Variants in PDXK observed in about 807,000 individuals in gnomAD.
PDXK encodes the protein epididymis secretory sperm binding protein Li 1a.
In PDXK, 15 loss-of-function variants were observed where a neutral mutation model predicts 43.2. That is an observed-to-expected ratio of 0.35 (90% confidence interval 0.23 to 0.53). The LOEUF (loss-of-function observed/expected upper bound fraction) is 0.53. Among genes scored for constraint, PDXK ranks in the 20% least tolerant of loss-of-function variants. The pLI, the probability that PDXK is intolerant of heterozygous loss-of-function variation, is 0.92. For synonymous variants in PDXK, 172 were observed against 165.4 expected, an observed-to-expected ratio of 1.04 and a Z score of -0.31; for missense variants, 343 against 417.0, an observed-to-expected ratio of 0.82 and a Z score of 1.54.
At position 43,737,212 on chromosome 21, in the gene PDXK, C is replaced by T. The variant is rs377179819; in HGVS notation, c.142+3089C>T. ...TTCCACACAAGCTGCGTTGTTGGTTCCCTGACGCCCTTCAGGCTGGGGGGT... is the reference window on the plus strand; with the variant it reads ...TTCCACACAAGCTGCGTTGTTGGTTTCCTGACGCCCTTCAGGCTGGGGGGT... On this transcript the variant is annotated intron_variant, in intron 2 of 10. Coordinates refer to ENST00000291565, the MANE Select transcript of PDXK (RefSeq NM_003681.5). The surrounding 1 kb of genome is among the most constrained non-coding windows in gnomAD (Gnocchi z 4.8). The T allele has an allele frequency of 4.9e-6, 7 of 1,434,824 alleles. No individual in the cohort carries two copies. Among genetic ancestry groups the T allele is most frequent in the Non-Finnish European group, 5.5e-6 (6 of 1,096,984 alleles). 88.9% of individuals were successfully genotyped at this position (1,434,824 alleles called of 1,614,324 possible). A position where few individuals can be genotyped will look rare whatever the true frequency, so the allele number is the denominator to read the frequency against.
At chr21:43,719,424 G>T in intron 1 of PDXK, 43 bp downstream of exon 1, 1 of 1,486,138 alleles carries the variant, frequency 6.7e-7, no homozygotes, top group Non-Finnish European at 9.0e-7. Context: ...ACCCGAGCCC[G>T]TGACCTTGGC....
intron 5 of PDXK, 34 bp downstream of exon 5, chr21:43,746,159 G>T: frequency 6.4e-7 from 1 of 1,554,632 alleles, no homozygotes; most frequent in Non-Finnish European, 8.9e-7. Flanking sequence ...TTAAAAGTGT[G>T]GTGAGTGGAG....
chr21:43,760,912 T>C lies in PDXK; in HGVS notation c.*4849T>C, dbSNP rs1223165296. The C allele has an allele frequency of 6.6e-6, 1 of 152,266 alleles. No homozygotes were observed. The allele number at this position is 152,266 out of a possible 1,614,324, so 9.4% of individuals were successfully genotyped here. ...TCTCAGAGCAGAATGTTTCCTGTTC[T>C]CAGTGCACAAAGACACTGGTTTTCA... On this transcript the variant is annotated 3_prime_UTR_variant, in exon 11 of 11. Transcript: ENST00000291565.
chr21:43,748,206 G>A (rs528273692), intron 5 of PDXK, among the ~76,000 whole-genome samples: 1 of 152,322 alleles, frequency 6.6e-6, no homozygotes, highest in South Asian at 2.1e-4. Context: ...AGAAAACCAT[G>A]TGTTGCCTGG....
intron 1 of PDXK, chr21:43,719,687 C>T (rs781390101): frequency 1.0e-6 from 1 of 985,444 alleles, no homozygotes; most frequent in Middle Eastern, 5.2e-4. Flanking sequence ...TTCCCGCCGA[C>T]CGGGCCAACT....
At chr21:43,729,389 C>T (rs1480089887) in intron 1 of PDXK, among the ~76,000 whole-genome samples, 4 of 152,160 alleles carry the variant, frequency 2.6e-5, no homozygotes, top group African/African-American at 9.7e-5. Flanking sequence ...ACGGTCTGAG[C>T]TGAGAGAGGG....
At chr21:43,725,966 CT>C (rs2083249288) in intron 1 of PDXK, among the ~76,000 whole-genome samples, 1 of 152,192 alleles carries the variant, frequency 6.6e-6, no homozygotes, top group African/African-American at 2.4e-5. Context: ...CCCACGTGCT[CT>C]CCAGGCCATG....
rs36141783 is a variant in PDXK, at chr21:43,750,962, A to ATATGTGTGTG, written c.510+418_510+419insATGTGTGTGT. On this transcript the variant is annotated intron_variant, in intron 7 of 10. Transcript: ENST00000291565. Reference sequence around the variant, plus strand: ...TGCACGTGTTTGCACATGTGTGTGCATGTGTGTGTGTGTGTGTGCACATGT... The same window carrying ATATGTGTGTG: ...TGCACGTGTTTGCACATGTGTGTGCATATGTGTGTGTGTGTGTGTGTGTGTGTGCACATGT... Among the ~76,000 whole-genome samples, 1,071 of 150,728 alleles carry ATATGTGTGTG rather than the reference A, an allele frequency of 7.1e-3. 10 individuals are homozygous for ATATGTGTGTG. The highest frequency in any genetic ancestry group is 0.02 in the African/African-American group (812 of 40,756).
At chr21:43,733,956 C>G in intron 1 of PDXK, 113 bp from the exon 2 acceptor site, 1 of 1,056,028 alleles carries the variant, frequency 9.5e-7, no homozygotes, top group South Asian at 1.3e-5. Context: ...AGCTGGGGGC[C>G]CCGTGCCAGC....
At chr21:43,720,972 G>A (rs546927295) in intron 1 of PDXK, among the ~76,000 whole-genome samples, 1 of 152,226 alleles carries the variant, frequency 6.6e-6, no homozygotes, top group Admixed American at 6.5e-5. Flanking sequence ...GACTCGAGGG[G>A]TGTCCTCTGA....
chr21:43,750,789 T>G (rs372602310), intron 7 of PDXK, among the ~76,000 whole-genome samples: 3 of 136,820 alleles, frequency 2.2e-5, no homozygotes, highest in Non-Finnish European at 3.2e-5. Context: ...TGTGGGTGTG[T>G]GTGTGGATGT....
intron 2 of PDXK, 150 bp from the exon 3 acceptor site, chr21:43,741,517 C>G: frequency 6.8e-7 from 1 of 1,461,682 alleles, no homozygotes; most frequent in Non-Finnish European, 9.0e-7. Flanking sequence ...CCAAGCACTG[C>G]GCCTAGTGAT....
intron 6 of PDXK, among the ~76,000 whole-genome samples, chr21:43,749,951 G>A (rs2083705190): frequency 6.6e-6 from 1 of 152,188 alleles, no homozygotes; most frequent in African/African-American, 2.4e-5. Flanking sequence ...CATGAAGAGT[G>A]GAGCTGCCCG....
rs1351882517 is a variant in PDXK at position 43,760,306 on chromosome 21, A to G, written c.*4243A>G. ...GTTCTCCTGCCCCAGCCTCCCAAGTAGCTGGGATTACAGGCATGCGCCACC... is the reference window on the plus strand; with the variant it reads ...GTTCTCCTGCCCCAGCCTCCCAAGTGGCTGGGATTACAGGCATGCGCCACC... On this transcript the variant is annotated 3_prime_UTR_variant, in exon 11 of 11. Transcript: ENST00000291565. 6.6e-6 allele frequency: 1 copy of G among 151,608 alleles called. No individual in the cohort carries two copies. Among genetic ancestry groups the G allele is most frequent in the African/African-American group, 2.4e-5 (1 of 41,178 alleles). 9.4% of individuals were successfully genotyped at this position (151,608 alleles called of 1,614,324 possible).
At position 43,749,088 on chromosome 21, in the gene PDXK, ATTT is replaced by A. The variant is rs745917593; in HGVS notation, c.464+10_464+12del. On this transcript the variant is annotated intron_variant, in intron 6 of 10. Coordinates refer to ENST00000291565, the MANE Select transcript of PDXK (RefSeq NM_003681.5). Reference sequence around the variant, plus strand: ...CAACCAGTTTGAGGCCGAGTAAGTCATTTTATTTTATTTTACTTTATTTATTTA... The same window carrying A: ...CAACCAGTTTGAGGCCGAGTAAGTCATATTTTATTTTACTTTATTTATTTA... 6.6e-7 allele frequency: 1 copy of A among 1,515,584 alleles called. No homozygotes were observed. 93.9% of individuals were successfully genotyped at this position (1,515,584 alleles called of 1,614,324 possible).
intron 5 of PDXK, among the ~76,000 whole-genome samples, chr21:43,748,021 CAG>C (rs1419278110): frequency 6.6e-6 from 1 of 152,208 alleles, no homozygotes; most frequent in Non-Finnish European, 1.5e-5. Flanking sequence ...GCACCAGGTG[CAG>C]ACATGCCTCC....
chr21:43,754,346 G>T lies in PDXK; in HGVS notation c.759+627G>T, dbSNP rs1303211321. Among the ~76,000 whole-genome samples, 2 of 152,194 alleles carry T rather than the reference G, an allele frequency of 1.3e-5. No individual in the cohort carries two copies. The highest frequency in any genetic ancestry group is 2.9e-5 in the Non-Finnish European group (2 of 68,024). On this transcript the variant is annotated intron_variant, in intron 9 of 10. Transcript: ENST00000291565. This position sits in a 1 kb window ranked among gnomAD's most constrained non-coding sequence, Gnocchi z 5.5. ...CTGACATGGCAGGTTGGGATGTGGG[G>T]TCTCGTGAGCCTTTCTCGTGTGTCC...
intron 1 of PDXK, among the ~76,000 whole-genome samples, chr21:43,728,447 G>A (rs1417907499): frequency 6.6e-6 from 1 of 152,162 alleles, no homozygotes; most frequent in Non-Finnish European, 1.5e-5. Flanking sequence ...GCTCTCCCCT[G>A]GAACGCCTGG....
In PDXK at chr21:43,723,217, C is replaced by T. The variant is rs1018510494; in HGVS notation, c.87+3836C>T. On this transcript the variant is annotated intron_variant, in intron 1 of 10. Transcript: ENST00000291565. The surrounding 1 kb of genome is among the most constrained non-coding windows in gnomAD (Gnocchi z 4.1). ...TCGCTCAGGCTGAAGTACAATGGAG[C>T]GATCTAGGCTCACTGCAACCTCCCC... Among the ~76,000 whole-genome samples the T allele has an allele frequency of 1.3e-5, 2 of 150,426 alleles. No homozygotes were observed. Among genetic ancestry groups the T allele is most frequent in the South Asian group, 2.1e-4 (1 of 4,766 alleles).
Sources: gnomAD v4.1 joint callset for allele counts (sites outside exome capture counted in the v4.1 genomes callset) on GRCh38, gnomAD v4.1.1 for gene constraint, Gnocchi (gnomAD v3.1) non-coding constraint, MANE v1.5 for transcripts, NCBI Gene and HGNC (gene_info 2026-07-23, HGNC 2026-07-21) for gene names.